Variants in FAHD2A observed in about 807,000 individuals in gnomAD.
The protein encoded by FAHD2A is oxaloacetate tautomerase FAHD2A, mitochondrial.
FAHD2A carries 27 observed loss-of-function variants against 33.4 expected under a neutral mutation model. The observed-to-expected ratio is 0.81, with a 90% CI of 0.60 to 1.11. The LOEUF is 1.11. FAHD2A is among the 50% of genes most tolerant of loss of function. The pLI is 0.00. For synonymous variants in FAHD2A, 130 were observed against 153.3 expected (o/e 0.85, Z 1.12); for missense variants, 296 against 395.0 (o/e 0.75, Z 2.12).
At chr2:95,408,016 C>T (rs1411951203) in intron 3 of FAHD2A, among the ~76,000 whole-genome samples, 2 of 150,348 alleles carry the variant, frequency 1.3e-5, no homozygotes, top group Non-Finnish European at 2.9e-5. Flanking sequence ...TCTCCCTGCC[C>T]TCCACATGGC....
chr2:95,413,606 A>G lies in FAHD2A; in HGVS notation c.*649A>G. The G allele has an allele frequency of 3.3e-6, 5 of 1,506,286 alleles. No homozygotes were observed. The highest frequency in any genetic ancestry group is 4.4e-6 in the Non-Finnish European group (5 of 1,129,250). 93.3% of individuals were successfully genotyped at this position (1,506,286 alleles called of 1,614,324 possible). A position where few individuals can be genotyped will look rare whatever the true frequency, so the allele number is the denominator to read the frequency against. Reference sequence around the variant, plus strand: ...GATGGGCCGTGAGTGCACTCACCACAGGGACTGTGTCCACATGGCCCAGGG... The same window carrying G: ...GATGGGCCGTGAGTGCACTCACCACGGGGACTGTGTCCACATGGCCCAGGG... On this transcript the variant is annotated 3_prime_UTR_variant, in exon 8 of 8. Transcript: ENST00000233379.
rs144394979 is a variant in FAHD2A at position 95,407,023 on chromosome 2, T to C, written c.328T>C (p.Cys110Arg). 70 of 1,613,880 alleles carry C rather than the reference T, an allele frequency of 4.3e-5. No homozygotes were observed. The highest frequency in any genetic ancestry group is 2.3e-4 in the Admixed American group (14 of 60,012). ...APVTRPDKVV[C>R]VGMNYVDHCK... ...AGTCACACGACCAGATAAGGTGGTG[T>C]GTGTGGGCATGAATTATGTGGACCA... The change falls in exon 3 of 8, where the codon TGT becomes CGT. Residue 110 changes from cysteine (C) to arginine (R), a missense_variant. Cys to Arg is a radical substitution (Grantham distance 180). Coordinates refer to ENST00000233379, the MANE Select transcript of FAHD2A (RefSeq NM_016044.3).
chr2:95,413,838 G>T lies in FAHD2A; in HGVS notation c.*881G>T, dbSNP rs570151037. On this transcript the variant is annotated 3_prime_UTR_variant, in exon 8 of 8. Transcript: ENST00000233379. ...TGGAAGACACCAAGTAAATCCCAGG[G>T]TCTTAATGAGGCACCATCAGGCCAG... is the stretch of plus-strand genomic sequence containing the variant. 7 of 752,194 alleles carry T rather than the reference G, an allele frequency of 9.3e-6. No individual in the cohort carries two copies. The East Asian group carries it at 1.7e-4, about 18-fold the overall frequency. The allele number at this position is 752,194 out of a possible 1,614,324, so 46.6% of individuals were successfully genotyped here. A position where few individuals can be genotyped will look rare whatever the true frequency, so the allele number is the denominator to read the frequency against.
intron 5 of FAHD2A, among the ~76,000 whole-genome samples, 194 bp from the exon 6 acceptor site, chr2:95,412,240 G>T (rs1682638233): frequency 6.6e-6 from 1 of 151,928 alleles, no homozygotes; most frequent in African/African-American, 2.4e-5. Context: ...GGTGCTCTTG[G>T]TGGGGATGCG....
Position 95,412,697 on chromosome 2 carries a change from G to C in FAHD2A, c.815G>C (p.Gly272Ala). ...TCCAGGTTTGTTACCTTTTACCCAGGGGATGTCATCCTAACTGGGACCCCC... is the reference window on the plus strand; with the variant it reads ...TCCAGGTTTGTTACCTTTTACCCAGCGGATGTCATCCTAACTGGGACCCCC... ...WVSQFVTFYP[G>A]DVILTGTPPG... Residue 272 changes from glycine (G) to alanine (A), a missense_variant, in exon 7 of 8, where the codon GGG becomes GCG. Transcript: ENST00000233379. The C allele has an allele frequency of 6.2e-7, 1 of 1,614,076 alleles. No homozygotes were observed.
intron 5 of FAHD2A, among the ~76,000 whole-genome samples, chr2:95,411,531 A>T (rs1682512036): frequency 1.3e-5 from 2 of 152,220 alleles, no homozygotes; most frequent in South Asian, 4.1e-4. Flanking sequence ...ACTGTGGTGG[A>T]GGTGGGGGGT....
In FAHD2A at chr2:95,414,599, C is replaced by A; in HGVS notation, c.*1642C>A. 4.1e-6 allele frequency: 1 copy of A among 245,448 alleles called. No individual in the cohort carries two copies. Among genetic ancestry groups the A allele is most frequent in the Non-Finnish European group, 8.0e-6 (1 of 124,782 alleles). The allele number at this position is 245,448 out of a possible 1,614,324, so 15.2% of individuals were successfully genotyped here. ...CCCTGCTCCAGAATTCTACTTGGTG[C>A]CCCCCAACCCCACTCGACTCATTGT... On this transcript the variant is annotated 3_prime_UTR_variant, in exon 8 of 8. Coordinates refer to ENST00000233379, the MANE Select transcript of FAHD2A (RefSeq NM_016044.3).
chr2:95,414,768 T>A lies in FAHD2A; in HGVS notation c.*1811T>A, dbSNP rs1682991308. The A allele has an allele frequency of 6.5e-6, 1 of 154,392 alleles. No homozygotes were observed. 9.6% of individuals were successfully genotyped at this position (154,392 alleles called of 1,614,324 possible). ...CAAACACCCTCATGAGCTTTGCTGA[T>A]CTCTTTGCCATCTCTCCCTGCCCCA... On this transcript the variant is annotated 3_prime_UTR_variant, in exon 8 of 8. Coordinates refer to ENST00000233379, the MANE Select transcript of FAHD2A (RefSeq NM_016044.3).
In FAHD2A at chr2:95,416,352, G is replaced by A. The variant is rs934555853; in HGVS notation, c.*3395G>A. 2.0e-5 allele frequency: 3 copies of A among 152,236 alleles called. No individual in the cohort carries two copies. The highest frequency in any genetic ancestry group is 2.4e-5 in the African/African-American group (1 of 41,438). The allele number at this position is 152,236 out of a possible 1,614,324, so 9.4% of individuals were successfully genotyped here. A position where few individuals can be genotyped will look rare whatever the true frequency, so the allele number is the denominator to read the frequency against. ...CACCAAGAGCTGAGAATGTTTCTCC[G>A]ACTGATGAGACCTAGATATTGGGTA... On this transcript the variant is annotated 3_prime_UTR_variant, in exon 8 of 8. Transcript: ENST00000233379.
downstream of FAHD2A, among the ~76,000 whole-genome samples, chr2:95,419,832 G>T (rs1284430784): frequency 1.3e-5 from 2 of 151,970 alleles, no homozygotes; most frequent in East Asian, 3.9e-4. Flanking sequence ...ACAGAGTGGG[G>T]GCAGGGGCAC....
rs771999901 is a variant in FAHD2A at position 95,405,824 on chromosome 2, G to T, written c.245+21G>T. 5.1e-6 allele frequency: 8 copies of T among 1,561,504 alleles called. No individual in the cohort carries two copies. In the East Asian group the frequency reaches 1.6e-4, roughly 32 times the overall value. ...AGAAGGTAAGTAAGTGGGCAGCATCGCCCTGAAGCAGCTGCCCTGGTCCCC... is the reference window on the plus strand; with the variant it reads ...AGAAGGTAAGTAAGTGGGCAGCATCTCCCTGAAGCAGCTGCCCTGGTCCCC... On this transcript the variant is annotated intron_variant, in intron 2 of 7. Transcript: ENST00000233379.
Position 95,415,123 on chromosome 2 carries a change from A to C in FAHD2A, c.*2166A>C, listed in dbSNP as rs1683031716. 1.3e-5 allele frequency: 2 copies of C among 152,120 alleles called. No homozygotes were observed. Among genetic ancestry groups the C allele is most frequent in the African/African-American group, 4.8e-5 (2 of 41,416 alleles). The allele number at this position is 152,120 out of a possible 1,614,324, so 9.4% of individuals were successfully genotyped here. On this transcript the variant is annotated 3_prime_UTR_variant, in exon 8 of 8. Coordinates refer to ENST00000233379, the MANE Select transcript of FAHD2A (RefSeq NM_016044.3). ...AAATTTTTTGTCCCGAAGCCCCCAAATACTGCAACCCTGACCCAATGCACG... is the reference window on the plus strand; with the variant it reads ...AAATTTTTTGTCCCGAAGCCCCCAACTACTGCAACCCTGACCCAATGCACG...
At chr2:95,409,425 C>CA (rs1337878205) in intron 3 of FAHD2A, among the ~76,000 whole-genome samples, 1 of 152,110 alleles carries the variant, frequency 6.6e-6, no homozygotes, top group Non-Finnish European at 1.5e-5. Context: ...TCTCCTGCCT[C>CA]AGCCTCCTGA....
At chr2:95,420,192 C>A (rs1389296819), downstream of FAHD2A, among the ~76,000 whole-genome samples, 1 of 152,016 alleles carries the variant, frequency 6.6e-6, no homozygotes, top group African/African-American at 2.4e-5. Flanking sequence ...CATCCAGAAA[C>A]ACACCCACAG....
At position 95,416,051 on chromosome 2, in the gene FAHD2A, C is replaced by T. The variant is rs1206679384; in HGVS notation, c.*3094C>T. 6.6e-6 allele frequency: 1 copy of T among 152,112 alleles called. No individual in the cohort carries two copies. The highest frequency in any genetic ancestry group is 1.5e-5 in the Non-Finnish European group (1 of 68,032). 9.4% of individuals were successfully genotyped at this position (152,112 alleles called of 1,614,324 possible). A position where few individuals can be genotyped will look rare whatever the true frequency, so the allele number is the denominator to read the frequency against. On this transcript the variant is annotated 3_prime_UTR_variant, in exon 8 of 8. Coordinates refer to ENST00000233379, the MANE Select transcript of FAHD2A (RefSeq NM_016044.3). ...GAGGAAATGGCGAGGTGCAGGTGGC[C>T]GCTGGGCCCTGCTGTTCTACATGGG...
Position 95,413,786 on chromosome 2 carries a change from T to C in FAHD2A, c.*829T>C. 3 of 702,822 alleles carry C rather than the reference T, an allele frequency of 4.3e-6. No homozygotes were observed. The highest frequency in any genetic ancestry group is 5.0e-6 in the Non-Finnish European group (2 of 404,006). 43.5% of individuals were successfully genotyped at this position (702,822 alleles called of 1,614,324 possible). On this transcript the variant is annotated 3_prime_UTR_variant, in exon 8 of 8. Coordinates refer to ENST00000233379, the MANE Select transcript of FAHD2A (RefSeq NM_016044.3). ...CAAGAGGCAGGAAACCATCCCACCT[T>C]CTCCAACCCATCACCACGTCTATTG...
intron 3 of FAHD2A, among the ~76,000 whole-genome samples, chr2:95,408,722 G>A (rs1421605555): frequency 2.0e-5 from 3 of 152,214 alleles, no homozygotes; most frequent in African/African-American, 7.2e-5. Context: ...AATTATGGGA[G>A]CTACAAGTTG....
intron 1 of FAHD2A, among the ~76,000 whole-genome samples, chr2:95,404,046 G>T (rs1245293307): frequency 6.6e-6 from 1 of 152,180 alleles, no homozygotes; most frequent in Admixed American, 6.5e-5. Flanking sequence ...TAAGTCTAAT[G>T]AATCTTCAAC....
rs773567166 is a variant in FAHD2A, at chr2:95,412,718, C to G, written c.836C>G (p.Thr279Ser). 6.2e-7 allele frequency: 1 copy of G among 1,613,790 alleles called. No individual in the cohort carries two copies. Among genetic ancestry groups the G allele is most frequent in the Non-Finnish European group, 8.5e-7 (1 of 1,179,908 alleles). The change falls in exon 7 of 8, where the codon ACC (threonine) becomes AGC (serine). Residue 279 changes from threonine (T) to serine (S), a missense_variant. By Grantham distance (58) the Thr-to-Ser change is moderately conservative. Transcript: ENST00000233379. ...FYPGDVILTG[T>S]PPGVGVFRKP... ...CCAGGGGATGTCATCCTAACTGGGACCCCCCCAGGTGTCGGTGTATTCAGG... is the reference window on the plus strand; with the variant it reads ...CCAGGGGATGTCATCCTAACTGGGAGCCCCCCAGGTGTCGGTGTATTCAGG...
Sources: allele counts gnomAD v4.1 joint callset (sites outside exome capture counted in the v4.1 genomes callset), GRCh38; gene constraint gnomAD v4.1.1; transcripts MANE v1.5; gene names NCBI Gene and HGNC (gene_info 2026-07-23, HGNC 2026-07-21).